The following DNM1L variants were observed in gnomAD, a reference collection of about 807,000 sequenced individuals.
DNM1L encodes dynamin 1L, also known as dynamin-1-like protein.
Under a neutral mutation model 92.8 loss-of-function variants are expected in DNM1L, and 33 were observed. The ratio of observed to expected loss-of-function variants is 0.36; its 90% confidence interval spans 0.27 to 0.48. The LOEUF is 0.48. DNM1L is among the 20% of genes least tolerant of loss of function. The pLI, the probability that DNM1L is intolerant of heterozygous loss-of-function variation, is 0.99. For synonymous variants in DNM1L, 284 were observed against 305.0 expected (o/e 0.93, Z 0.72); for missense variants, 485 against 888.8 (o/e 0.55, Z 5.78).
At chr12:32,724,586 AAAAAAAAATATAT>A (rs1314031996) in intron 9 of DNM1L, among the ~76,000 whole-genome samples, 16 of 69,646 alleles carry the variant, frequency 2.3e-4, no homozygotes, top group African/African-American at 6.7e-4. Context: ...CAAAAAAAAA[AAAAAAAAATATAT>A]ATATATATAT....
intron 7 of DNM1L, 113 bp downstream of exon 7, chr12:32,718,876 A>G: frequency 7.1e-7 from 1 of 1,414,296 alleles, no homozygotes; most frequent in Admixed American, 1.7e-5. Context: ...GTGATGCTGT[A>G]CTATATTTTT....
At chr12:32,729,903 TACTC>T (rs1196498815) in intron 9 of DNM1L, among the ~76,000 whole-genome samples, 51 of 152,280 alleles carry the variant, frequency 3.3e-4, no homozygotes, top group African/African-American at 1.2e-3. Context: ...TATAAAAAAG[TACTC>T]AATAGTGATT....
At chr12:32,694,208 C>G (rs1952340579) in intron 1 of DNM1L, among the ~76,000 whole-genome samples, 1 of 152,194 alleles carries the variant, frequency 6.6e-6, no homozygotes, top group Non-Finnish European at 1.5e-5. Flanking sequence ...CTCAGCCTAT[C>G]CTGAGTAGCT....
intron 1 of DNM1L, among the ~76,000 whole-genome samples, chr12:32,686,937 C>CTTTTTT (rs71447614): frequency 9.4e-5 from 9 of 95,594 alleles, no homozygotes; most frequent in Non-Finnish European, 1.3e-4. Flanking sequence ...TCTTTTTTTT[C>CTTTTTT]TTTTTTTTTT....
In DNM1L at chr12:32,717,960, TATATATATTATATATAG is replaced by T. The variant is rs1455724937; in HGVS notation, c.620-682_620-666del. 7.6e-3 allele frequency among the ~76,000 whole-genome samples: 796 copies of T among 105,350 alleles called. 16 individuals are homozygous for T. Among genetic ancestry groups the T allele is most frequent in the African/African-American group, 0.032 (767 of 24,196 alleles). The allele number at this position is 105,350 out of a possible 152,430, so 69.1% of individuals were successfully genotyped here. A position where few individuals can be genotyped will look rare whatever the true frequency, so the allele number is the denominator to read the frequency against. On this transcript the variant is annotated intron_variant, in intron 6 of 19. Transcript: ENST00000549701. ...TATATATAAAATATAGTATATATAG[TATATATATTATATATAG>T]TATATATAGTATGTATAGTATATAT...
rs755741612 is a variant in DNM1L, at chr12:32,718,660, G to A, written c.637G>A (p.Val213Ile). Reference protein sequence around the residue: ...VDPDGRRTLAVITKLDLMDAG... With the variant: ...VDPDGRRTLAIITKLDLMDAG... The stretch of plus-strand genomic sequence containing the variant: ...TTTACCAGGTCGCAGAACCCTAGCT[G>A]TAATCACTAAACTTGATCTCATGGA... Residue 213 changes from valine to isoleucine, a missense_variant, in exon 7 of 20, where the codon GTA (valine) becomes ATA (isoleucine). Val to Ile is a conservative substitution (Grantham distance 29, BLOSUM62 3). Around this residue, in one of 11 missense-constraint regions of DNM1L, gnomAD observed 159 missense variants for 275.9 expected, o/e 0.58. Transcript: ENST00000549701. 5 of 1,613,770 alleles carry A rather than the reference G, an allele frequency of 3.1e-6. No homozygotes were observed. Among genetic ancestry groups the A allele is most frequent in the Admixed American group, 1.7e-5 (1 of 59,980 alleles).
At position 32,737,878 on chromosome 12, in the gene DNM1L, C is replaced by T. The variant is rs1226529797; in HGVS notation, c.1610C>T (p.Pro537Leu). 2 of 1,613,758 alleles carry T rather than the reference C, an allele frequency of 1.2e-6. No homozygotes were observed. Among genetic ancestry groups the T allele is most frequent in the African/African-American group, 1.3e-5 (1 of 74,846 alleles). Residue 537 changes from proline (P) to leucine (L), a missense_variant, in exon 15 of 20, where the codon CCA becomes CTA. Pro to Leu is a moderately conservative substitution (Grantham distance 98). Transcript: ENST00000549701. ...TTTTGCCTTTAGTCTTCTAAAGTTC[C>T]AAGTGCTTTGGCACCTGCCTCCCAG... ...AVSRDKSSKVPSALAPASQEP... is the reference protein window; with the variant it reads ...AVSRDKSSKVLSALAPASQEP...
At chr12:32,687,213 G>T (rs1475268834) in intron 1 of DNM1L, among the ~76,000 whole-genome samples, 3 of 151,816 alleles carry the variant, frequency 2.0e-5, no homozygotes. Flanking sequence ...ATCCAAAGCC[G>T]TGAAGATTTT....
chr12:32,740,920 C>T (rs1955241443), intron 18 of DNM1L, among the ~76,000 whole-genome samples: 2 of 152,090 alleles, frequency 1.3e-5, no homozygotes, highest in African/African-American at 2.4e-5. Flanking sequence ...TGTATTTTTT[C>T]TCGTTCAGAA....
intron 16 of DNM1L, 93 bp downstream of exon 16, chr12:32,738,389 G>A (rs1320064732): frequency 3.8e-6 from 5 of 1,328,644 alleles, no homozygotes; most frequent in Non-Finnish European, 5.4e-6. Flanking sequence ...TTTGTGTAGT[G>A]GTATCTATCT....
Position 32,718,022 on chromosome 12 carries a change from T to TATATA in DNM1L, c.620-621_620-620insATATA, listed in dbSNP as rs1592626666. On this transcript the variant is annotated intron_variant, in intron 6 of 19. Transcript: ENST00000549701. ...ATATATAATATATATAGTATATATA[T>TATATA]TATAAATATATACTATACATACTAT... 2.4e-5 allele frequency among the ~76,000 whole-genome samples: 3 copies of TATATA among 124,096 alleles called. No homozygotes were observed. The South Asian group carries it at 7.7e-4, about 32-fold the overall frequency. The allele number at this position is 124,096 out of a possible 152,430, so 81.4% of individuals were successfully genotyped here.
intron 1 of DNM1L, 114 bp from the exon 2 acceptor site, chr12:32,701,301 C>A: frequency 1.1e-6 from 1 of 903,612 alleles, no homozygotes; most frequent in Non-Finnish European, 1.7e-6. Context: ...ATAGTCTCTG[C>A]ACTAATTTTT....
At chr12:32,721,777 G>A (rs1412195746) in intron 8 of DNM1L, among the ~76,000 whole-genome samples, 1 of 152,148 alleles carries the variant, frequency 6.6e-6, no homozygotes, top group Non-Finnish European at 1.5e-5. Flanking sequence ...ACAGGTTGTA[G>A]CCTGTGTTTC....
chr12:32,738,222 T>G, intron 15 of DNM1L, 42 bp from the exon 16 acceptor site: 1 of 1,609,804 alleles, frequency 6.2e-7, no homozygotes, highest in East Asian at 2.2e-5. Context: ...GGTATTTAAA[T>G]TTTGCTTGTT....
At chr12:32,729,011 T>C (rs1954349581) in intron 9 of DNM1L, 1 of 152,236 alleles carries the variant, frequency 6.6e-6, no homozygotes, top group Non-Finnish European at 1.5e-5. Context: ...CAGGATGGTC[T>C]CGATCTCATG....
intron 6 of DNM1L, among the ~76,000 whole-genome samples, chr12:32,717,290 T>C (rs868669875): frequency 4.2e-5 from 4 of 95,994 alleles, no homozygotes; most frequent in Non-Finnish European, 5.7e-5. Flanking sequence ...ATATACACTA[T>C]ATATTTTATA....
intron 1 of DNM1L, among the ~76,000 whole-genome samples, chr12:32,684,023 A>T (rs1951901232): frequency 6.6e-6 from 1 of 152,244 alleles, no homozygotes; most frequent in Admixed American, 6.5e-5. Flanking sequence ...TTAAAAATTT[A>T]ACATTAAAAA....
At chr12:32,734,418 A>C (rs1168196371) in intron 13 of DNM1L, among the ~76,000 whole-genome samples, 1 of 152,140 alleles carries the variant, frequency 6.6e-6, no homozygotes, top group African/African-American at 2.4e-5. Flanking sequence ...TGCTATACCA[A>C]ATTTCCTCTT....
intron 3 of DNM1L, 128 bp downstream of exon 3, chr12:32,707,541 A>T: frequency 1.6e-6 from 1 of 644,376 alleles, no homozygotes; most frequent in Non-Finnish European, 2.4e-6. Flanking sequence ...TCCTTATAAA[A>T]TAAATCTTAG....
Sources: gnomAD v4.1 joint callset for allele counts (sites outside exome capture counted in the v4.1 genomes callset) on GRCh38, gnomAD v4.1.1 for gene constraint, gnomAD v4.1.1 regional missense constraint, MANE v1.5 for transcripts, NCBI Gene and HGNC (gene_info 2026-07-23, HGNC 2026-07-21) for gene names.